Variants in PCF11 observed in about 807,000 individuals in gnomAD.
PCF11 encodes pre-mRNA cleavage complex 2 protein Pcf11.
In PCF11, 19 loss-of-function variants were observed where a neutral mutation model predicts 166.1. The ratio of observed to expected loss-of-function variants is 0.11; its 90% CI spans 0.08 to 0.17. PCF11 has a LOEUF of 0.17. Among genes scored for constraint, PCF11 ranks in the 10% least tolerant of loss-of-function variants. The pLI is 1.00. For missense variants in PCF11, 1,565 were observed against 1,855.5 expected, an observed-to-expected ratio of 0.84 and a Z score of 2.88; for synonymous variants, 663 against 644.1, an observed-to-expected ratio of 1.03 and a Z score of -0.44.
intron 2 of PCF11, among the ~76,000 whole-genome samples, chr11:83,162,011 T>C (rs1313086981): frequency 2.6e-5 from 4 of 152,240 alleles, no homozygotes; most frequent in African/African-American, 9.6e-5. Context: ...TTGGTTATTC[T>C]GGAAATACTT....
At chr11:83,157,858 C>T (rs1299000914) in intron 1 of PCF11, 43 of 570,074 alleles carry the variant, frequency 7.5e-5, no homozygotes, top group Non-Finnish European at 1.3e-4. Context: ...CGCTTTCCAA[C>T]TCCCTTTTTA....
rs554623675 is a variant in PCF11 at position 83,165,709 on chromosome 11, A to G, written c.812A>G (p.Gln271Arg). 1.9e-6 allele frequency: 3 copies of G among 1,613,830 alleles called. No individual in the cohort carries two copies. In the African/African-American group the frequency reaches 4.0e-5, roughly 22 times the overall value. Residue 271 changes from glutamine to arginine, a missense_variant, in exon 5 of 16, where the codon CAG becomes CGG. By Grantham distance (43) the Gln-to-Arg change is conservative (BLOSUM62 1). This residue lies in a region of PCF11 where 468 missense variants were observed against 483.4 expected (regional missense o/e 0.97). Transcript: ENST00000298281. ...CCTATGGCAGTTAAAGCTCCTCATC[A>G]GGTTCCTGTGCAATCTGAGAAAAGC...
chr11:83,177,826 A>C lies in PCF11; in HGVS notation c.3983+7A>C. 1 of 1,355,128 alleles carries C rather than the reference A, an allele frequency of 7.4e-7. No individual in the cohort carries two copies. The highest frequency in any genetic ancestry group is 1.4e-5 in the South Asian group (1 of 72,750). The allele number at this position is 1,355,128 out of a possible 1,614,324, so 83.9% of individuals were successfully genotyped here. A position where few individuals can be genotyped will look rare whatever the true frequency, so the allele number is the denominator to read the frequency against. Reference sequence around the variant, plus strand: ...CAGTTGAAGAATTGAAACAGTATGTAATCTAATTTTCTTTAAGATAAAGAG... The same window carrying C: ...CAGTTGAAGAATTGAAACAGTATGTCATCTAATTTTCTTTAAGATAAAGAG... On this transcript the variant is annotated splice_region_variant and intron_variant, in intron 11 of 15. Transcript: ENST00000298281.
At chr11:83,175,578 C>T (rs1769574520) in intron 9 of PCF11, among the ~76,000 whole-genome samples, 1 of 152,082 alleles carries the variant, frequency 6.6e-6, no homozygotes, top group African/African-American at 2.4e-5. Flanking sequence ...CGGTGAAACC[C>T]CGTCTCTACT....
At chr11:83,179,442 G>T (rs1294858202) in intron 11 of PCF11, among the ~76,000 whole-genome samples, 1 of 151,688 alleles carries the variant, frequency 6.6e-6, no homozygotes, top group Non-Finnish European at 1.5e-5. Context: ...TAGAGATGGG[G>T]TTTCATCATG....
At chr11:83,166,684 G>A (rs1210987310) in exon 5 of PCF11, 1 of 1,600,588 alleles carries the variant, frequency 6.2e-7, no homozygotes, top group East Asian at 2.2e-5. Context: ...TCTGCCAAAA[G>A]ATGGAAATCT....
chr11:83,184,442 A>C (rs1220788590), intron 15 of PCF11: 3 of 435,934 alleles, frequency 6.9e-6, no homozygotes, highest in Admixed American at 4.7e-5. Context: ...TGGCTGTATA[A>C]TGTCCTATAA....
intron 9 of PCF11, among the ~76,000 whole-genome samples, chr11:83,174,188 A>C (rs145434178): frequency 6.6e-6 from 1 of 152,284 alleles, no homozygotes; most frequent in East Asian, 1.9e-4. Flanking sequence ...AGATGTGTCA[A>C]CAGTTTTCAG....
At chr11:83,169,946 G>A in exon 8 of PCF11, 1 of 1,607,264 alleles carries the variant, frequency 6.2e-7, no homozygotes, top group Non-Finnish European at 8.5e-7. Context: ...GGAAACTTTG[G>A]CAATATACCT....
intron 9 of PCF11, among the ~76,000 whole-genome samples, chr11:83,173,824 A>G (rs1860782802): frequency 7.1e-6 from 1 of 141,388 alleles, no homozygotes; most frequent in Non-Finnish European, 1.5e-5. Context: ...CTGCCTCCTG[A>G]ATTCAAGCAG....
chr11:83,186,031 A>G (rs2135454429), exon 16 of PCF11: 1 of 152,368 alleles, frequency 6.6e-6, no homozygotes, highest in African/African-American at 2.4e-5. Flanking sequence ...ATTCACATCT[A>G]ATAACTACAT....
chr11:83,171,539 G>A (rs1860690934), intron 8 of PCF11, among the ~76,000 whole-genome samples: 1 of 152,096 alleles, frequency 6.6e-6, no homozygotes, highest in South Asian at 2.1e-4. Context: ...TCCTTTTTGG[G>A]GGGCTACTTT....
chr11:83,166,809 T>C, intron 5 of PCF11, 95 bp downstream of exon 5: 1 of 1,054,246 alleles, frequency 9.5e-7, no homozygotes. Flanking sequence ...TAGGTGCTAT[T>C]AGTACTTTTT....
chr11:83,165,190 A>G (rs1038969260), intron 4 of PCF11, among the ~76,000 whole-genome samples: 3 of 152,216 alleles, frequency 2.0e-5, no homozygotes, highest in South Asian at 2.1e-4. Context: ...GCAGAATTTT[A>G]TAAGTTCATT....
intron 2 of PCF11, among the ~76,000 whole-genome samples, chr11:83,163,334 G>C (rs1860327871): frequency 6.6e-6 from 1 of 151,700 alleles, no homozygotes; most frequent in African/African-American, 2.4e-5. Context: ...TTTTCTAGTT[G>C]TTTTATATTT....
chr11:83,182,074 TCA>T (rs1861104939), intron 13 of PCF11, 65 bp downstream of exon 13: 5 of 1,229,702 alleles, frequency 4.1e-6, no homozygotes, highest in Non-Finnish European at 4.5e-6. Flanking sequence ...ATGTAAATAC[TCA>T]TAAACACATC....
exon 1 of PCF11, chr11:83,157,458 G>A: frequency 1.2e-6 from 2 of 1,611,094 alleles, no homozygotes; most frequent in Non-Finnish European, 8.5e-7. Flanking sequence ...GCAGACGCCG[G>A]CCGAGGCCGG....
At chr11:83,164,168 C>G in intron 3 of PCF11, 39 bp from the exon 4 acceptor site, 3 of 1,454,256 alleles carry the variant, frequency 2.1e-6, no homozygotes, top group Non-Finnish European at 2.8e-6. Flanking sequence ...TCCGTTTTAG[C>G]TGATACGTTT....
At chr11:83,182,176 A>G (rs566305229) in intron 13 of PCF11, among the ~76,000 whole-genome samples, 167 bp downstream of exon 13, 1 of 152,360 alleles carries the variant, frequency 6.6e-6, no homozygotes, top group African/African-American at 2.4e-5. Flanking sequence ...TTTGAGTTTC[A>G]TAACTACAGT....
Sources: gnomAD v4.1 joint callset for allele counts (sites outside exome capture counted in the v4.1 genomes callset) on GRCh38, gnomAD v4.1.1 for gene constraint, gnomAD v4.1.1 regional missense constraint, MANE v1.5 for transcripts, NCBI Gene and HGNC (gene_info 2026-07-23, HGNC 2026-07-21) for gene names.